CNTNAP2: variants seen among roughly 807,000 people sequenced by gnomAD.
CNTNAP2 encodes the protein contactin-associated protein-like 2.
A neutral mutation model predicts 155.2 loss-of-function variants in CNTNAP2; 98 were observed. The observed-to-expected ratio is 0.63, with a 90% CI of 0.54 to 0.75. CNTNAP2 has a LOEUF of 0.75. Ranked by LOEUF, CNTNAP2 falls within the 30% of genes least tolerant of loss-of-function variation. The pLI is 0.00. For synonymous variants in CNTNAP2, 651 were observed against 631.2 expected, an observed-to-expected ratio of 1.03 and a Z score of -0.47; for missense variants, 1,727 against 1,688.1, an observed-to-expected ratio of 1.02 and a Z score of -0.40.
intron 21 of CNTNAP2, among the ~76,000 whole-genome samples, chr7:148,369,181 C>CTTTTTTTTTTT (rs376460265): frequency 5.4e-5 from 5 of 92,306 alleles, no homozygotes; most frequent in African/African-American, 1.4e-4. Flanking sequence ...AATTGAATCC[C>CTTTTTTTTTTT]TTTTTTTTTT....
intron 15 of CNTNAP2, among the ~76,000 whole-genome samples, chr7:147,982,756 A>T (rs1801552974): frequency 6.6e-6 from 1 of 152,078 alleles, no homozygotes; most frequent in Non-Finnish European, 1.5e-5. Context: ...GGTGGCTCAC[A>T]CCTGTAATCC....
chr7:146,484,658 A>T (rs1797028142), intron 1 of CNTNAP2, among the ~76,000 whole-genome samples: 1 of 152,158 alleles, frequency 6.6e-6, no homozygotes, highest in African/African-American at 2.4e-5. Context: ...AAAGAAAGAA[A>T]AAGAAGAAAT....
chr7:146,848,478 C>T (rs1309070425), intron 3 of CNTNAP2, among the ~76,000 whole-genome samples: 1 of 152,148 alleles, frequency 6.6e-6, no homozygotes, highest in African/African-American at 2.4e-5. Context: ...TAAGGCTAAA[C>T]ATATACAATT....
At chr7:146,629,595 T>C (rs1240847604) in intron 1 of CNTNAP2, among the ~76,000 whole-genome samples, 2 of 152,200 alleles carry the variant, frequency 1.3e-5, no homozygotes, top group African/African-American at 4.8e-5. Context: ...GAAATTTTCC[T>C]TGATGATTTA....
rs2116453802 is a variant in CNTNAP2 at position 147,395,615 on chromosome 7, T to C, written c.1505T>C (p.Leu502Pro). Reference sequence around the variant, plus strand: ...CATTTCTTCTGTTTCACAGGTTTTCTGAACCAGATGAATAACTCAAGTCAC... The same window carrying C: ...CATTTCTTCTGTTTCACAGGTTTTCCGAACCAGATGAATAACTCAAGTCAC... ...TGEKYFFGGF[L>P]NQMNNSSHSV... Residue 502 changes from leucine (L) to proline (P), a missense_variant, in exon 10 of 24, where the codon CTG (leucine) becomes CCG (proline). Coordinates refer to ENST00000361727, the MANE Select transcript of CNTNAP2 (RefSeq NM_014141.6). The C allele has an allele frequency of 1.2e-6, 2 of 1,611,798 alleles. No individual in the cohort carries two copies. The highest frequency in any genetic ancestry group is 4.5e-5 in the East Asian group (2 of 44,838).
intron 13 of CNTNAP2, among the ~76,000 whole-genome samples, chr7:147,764,001 C>T (rs558224316): frequency 6.6e-6 from 1 of 152,316 alleles, no homozygotes; most frequent in South Asian, 2.1e-4. Flanking sequence ...CTCTTGGTTG[C>T]ACCCTGACAC....
At chr7:146,718,982 C>G (rs564760698) in intron 1 of CNTNAP2, among the ~76,000 whole-genome samples, 1 of 152,086 alleles carries the variant, frequency 6.6e-6, no homozygotes, top group Non-Finnish European at 1.5e-5. Context: ...GTAGAACATG[C>G]CTTTCTCCTA....
intron 3 of CNTNAP2, among the ~76,000 whole-genome samples, chr7:146,893,404 CATATATACATATATGT>C (rs1300960196): frequency 4.0e-5 from 6 of 150,574 alleles, no homozygotes; most frequent in South Asian, 2.1e-4. Flanking sequence ...TCATTTATTA[CATATATACATATATGT>C]ATATATACAT....
intron 8 of CNTNAP2, among the ~76,000 whole-genome samples, chr7:147,140,299 G>A (rs917506747): frequency 6.6e-6 from 1 of 151,886 alleles, no homozygotes; most frequent in African/African-American, 2.4e-5. Context: ...CTGTCCAGAG[G>A]CCGAGATCTT....
At chr7:146,209,516 A>G (rs979932934) in intron 1 of CNTNAP2, among the ~76,000 whole-genome samples, 2 of 152,298 alleles carry the variant, frequency 1.3e-5, no homozygotes, top group Non-Finnish European at 1.5e-5. Context: ...ATGCCACTGA[A>G]ATATTCTTTA....
chr7:147,589,343 A>G lies in CNTNAP2; in HGVS notation c.1897+27086A>G, dbSNP rs1256366782. 2.6e-5 allele frequency among the ~76,000 whole-genome samples: 4 copies of G among 152,182 alleles called. No homozygotes were observed. In the East Asian group the frequency reaches 5.8e-4, roughly 22 times the overall value. ...AATCCTTGGCTTGGGACAGACTGTC[A>G]TTATTCATCAATAACTTATCAACTT... On this transcript the variant is annotated intron_variant, in intron 12 of 23. Transcript: ENST00000361727.
intron 1 of CNTNAP2, among the ~76,000 whole-genome samples, chr7:146,204,763 C>T (rs1798920616): frequency 6.6e-6 from 1 of 151,952 alleles, no homozygotes; most frequent in Non-Finnish European, 1.5e-5. Flanking sequence ...AGTGTTTTTA[C>T]AACTGATTAT....
At chr7:147,092,780 T>C (rs16883275) in intron 4 of CNTNAP2, among the ~76,000 whole-genome samples, 1,564 of 152,282 alleles carry the variant, frequency 0.01, 38 homozygotes, top group African/African-American at 0.035. Context: ...ACTAAACTTA[T>C]TGTTGATATA....
chr7:147,077,492 C>T (rs1160606581), intron 4 of CNTNAP2, among the ~76,000 whole-genome samples: 1 of 152,154 alleles, frequency 6.6e-6, no homozygotes, highest in Non-Finnish European at 1.5e-5. Context: ...GACGCAAGAT[C>T]CCCGTACTTC....
intron 1 of CNTNAP2, among the ~76,000 whole-genome samples, chr7:146,504,177 C>A (rs1089453): frequency 0.028 from 4,297 of 152,310 alleles, 200 homozygotes; most frequent in African/African-American, 0.097. Context: ...TAAGGGAGTT[C>A]TCCTAGCAGG....
chr7:148,270,736 G>A (rs915169100), intron 21 of CNTNAP2, among the ~76,000 whole-genome samples: 1 of 152,228 alleles, frequency 6.6e-6, no homozygotes, highest in African/African-American at 2.4e-5. Context: ...CAGCCTAAAA[G>A]TAGGCATCTG....
intron 8 of CNTNAP2, chr7:147,167,200 C>T (rs551324156): frequency 3.1e-5 from 10 of 318,042 alleles, no homozygotes; most frequent in Middle Eastern, 8.6e-4. Context: ...CAAGGATCTT[C>T]ATGTTCTTTG....
intron 1 of CNTNAP2, among the ~76,000 whole-genome samples, chr7:146,178,582 A>T (rs185742409): frequency 1.1e-4 from 17 of 152,238 alleles, no homozygotes; most frequent in Admixed American, 9.8e-4. Flanking sequence ...CGCATCCTCC[A>T]TTTGGCCTCC....
intron 13 of CNTNAP2, among the ~76,000 whole-genome samples, chr7:147,730,547 A>G (rs1796721155): frequency 6.6e-6 from 1 of 152,010 alleles, no homozygotes; most frequent in African/African-American, 2.4e-5. Flanking sequence ...TAATCAATAA[A>G]TGTTCTGTGT....
Sources: gnomAD v4.1 joint callset for allele counts (sites outside exome capture counted in the v4.1 genomes callset) on GRCh38, gnomAD v4.1.1 for gene constraint, MANE v1.5 for transcripts, NCBI Gene and HGNC (gene_info 2026-07-23, HGNC 2026-07-21) for gene names.